AP1B1: variants seen among roughly 807,000 people sequenced by gnomAD.
AP1B1 encodes the protein AP-1 complex subunit beta-1.
A neutral mutation model predicts 104.3 loss-of-function variants in AP1B1; 36 were observed. The ratio of observed to expected loss-of-function variants is 0.35; its 90% CI spans 0.26 to 0.46. The LOEUF is 0.46. AP1B1 is among the 20% of genes least tolerant of loss of function. The pLI is 1.00. For missense variants in AP1B1, 901 were observed against 1,247.9 expected (o/e 0.72, Z 4.19); for synonymous variants, 504 against 517.5 (o/e 0.97, Z 0.35).
chr22:29,337,175 CA>C (rs1381896909), intron 16 of AP1B1, among the ~76,000 whole-genome samples: 5 of 152,304 alleles, frequency 3.3e-5, no homozygotes, highest in African/African-American at 1.2e-4. Flanking sequence ...GGGTCTGGAG[CA>C]GAGGCTTTAG....
intron 11 of AP1B1, among the ~76,000 whole-genome samples, chr22:29,346,190 AAACTTCAG>A (rs1470265649): frequency 1.3e-5 from 2 of 152,140 alleles, no homozygotes; most frequent in Non-Finnish European, 2.9e-5. Flanking sequence ...CTTGGATCTC[AAACTTCAG>A]AGCTCTGTTT....
At chr22:29,371,295 C>A (rs186299133) in intron 1 of AP1B1, among the ~76,000 whole-genome samples, 199 of 152,320 alleles carry the variant, frequency 1.3e-3, no homozygotes, top group South Asian at 3.3e-3. Flanking sequence ...GGGGCTCAGA[C>A]TCATAGATGC....
intron 8 of AP1B1, 77 bp from the exon 9 acceptor site, chr22:29,351,343 T>C (rs749909757): frequency 1.4e-6 from 2 of 1,442,258 alleles, no homozygotes; most frequent in Non-Finnish European, 2.0e-6. Context: ...GCAGTGAATA[T>C]ACACAGACTC....
chr22:29,346,433 C>A (rs2061793511), intron 11 of AP1B1, among the ~76,000 whole-genome samples: 1 of 152,194 alleles, frequency 6.6e-6, no homozygotes, highest in Non-Finnish European at 1.5e-5. Flanking sequence ...GATGAAACTG[C>A]TCCACCTCAG....
At chr22:29,375,388 T>C (rs2062323196) in intron 1 of AP1B1, among the ~76,000 whole-genome samples, 1 of 143,058 alleles carries the variant, frequency 7.0e-6, no homozygotes, top group East Asian at 2.2e-4. Flanking sequence ...CATCTCAGAT[T>C]TCCCCACAGA....
chr22:29,331,582 C>G (rs1034916534), intron 18 of AP1B1, 49 bp from the exon 19 acceptor site: 1 of 1,604,814 alleles, frequency 6.2e-7, no homozygotes, highest in Non-Finnish European at 8.5e-7. Context: ...GACGCCACCT[C>G]TGAGGCCCCA....
chr22:29,365,810 A>G (rs1463736048), intron 2 of AP1B1, among the ~76,000 whole-genome samples: 1 of 149,312 alleles, frequency 6.7e-6, no homozygotes, highest in African/African-American at 2.5e-5. Context: ...TCCCCTTCCT[A>G]TCCCCCATCG....
chr22:29,335,442 C>T (rs2061624885), intron 16 of AP1B1, among the ~76,000 whole-genome samples: 2 of 151,508 alleles, frequency 1.3e-5, no homozygotes, highest in South Asian at 2.1e-4. Flanking sequence ...GAGACAGTCA[C>T]GCAACCCAAG....
chr22:29,369,187 A>G (rs896532324), intron 1 of AP1B1, among the ~76,000 whole-genome samples: 1 of 152,146 alleles, frequency 6.6e-6, no homozygotes, highest in Non-Finnish European at 1.5e-5. Context: ...AGGGATCAGG[A>G]GTCATTTCAC....
chr22:29,382,862 G>C (rs2062459284), intron 1 of AP1B1, among the ~76,000 whole-genome samples: 1 of 152,180 alleles, frequency 6.6e-6, no homozygotes, highest in South Asian at 2.1e-4. Context: ...ATGATCAAGC[G>C]TGAGGTCTCT....
chr22:29,332,674 G>A (rs1458771900), intron 17 of AP1B1, among the ~76,000 whole-genome samples: 1 of 152,226 alleles, frequency 6.6e-6, no homozygotes, highest in Admixed American at 6.5e-5. Context: ...GGGAGGAGCA[G>A]GCCTGTGTCA....
At chr22:29,347,568 A>C (rs573504961) in intron 11 of AP1B1, among the ~76,000 whole-genome samples, 1 of 152,334 alleles carries the variant, frequency 6.6e-6, no homozygotes, top group East Asian at 1.9e-4. Context: ...GGCAGCAAAA[A>C]TTTCTGTGCT....
intron 21 of AP1B1, chr22:29,330,115 C>T: frequency 7.0e-7 from 1 of 1,419,212 alleles, no homozygotes; most frequent in South Asian, 1.5e-5. Context: ...GGTGCCAAAC[C>T]AACTGCACCA....
At position 29,341,733 on chromosome 22, in the gene AP1B1, G is replaced by A. The variant is rs1245595086; in HGVS notation, c.1564C>T (p.Arg522Cys). ...AGCAGGCGCCAGTAGATGTAGCCAC[G>A]GTCCCGCAGGTCTGGGTTATCTGAG... ...QDSDNPDLRD[R>C]GYIYWRLLST... Residue 522 changes from arginine to cysteine, a missense_variant, in exon 13 of 23, where the codon CGT (arginine) becomes TGT (cysteine). By Grantham distance (180) the Arg-to-Cys change is radical. This residue lies in a region of AP1B1 where 471 missense variants were observed against 696.7 expected (regional missense o/e 0.68). Coordinates refer to ENST00000357586, the MANE Select transcript of AP1B1 (RefSeq NM_001127.4). 1.2e-6 allele frequency: 2 copies of A among 1,612,912 alleles called. No individual in the cohort carries two copies. Among genetic ancestry groups the A allele is most frequent in the Non-Finnish European group, 8.5e-7 (1 of 1,178,998 alleles).
chr22:29,374,970 C>T (rs998382989), intron 1 of AP1B1, among the ~76,000 whole-genome samples: 1 of 152,128 alleles, frequency 6.6e-6, no homozygotes, highest in Non-Finnish European at 1.5e-5. Flanking sequence ...CCAGCCTGGG[C>T]AACACAGTAA....
chr22:29,363,851 C>A (rs1187910429), intron 2 of AP1B1, among the ~76,000 whole-genome samples: 2 of 151,976 alleles, frequency 1.3e-5, no homozygotes, highest in Admixed American at 6.6e-5. Context: ...AGCCATGACA[C>A]CACTACACTC....
intron 11 of AP1B1, among the ~76,000 whole-genome samples, chr22:29,343,241 C>T (rs1015728978): frequency 1.3e-5 from 2 of 152,246 alleles, no homozygotes; most frequent in South Asian, 2.1e-4. Flanking sequence ...CTGATGCTCC[C>T]GGAGTCAGGG....
At chr22:29,343,580 C>A (rs1278772127) in intron 11 of AP1B1, among the ~76,000 whole-genome samples, 1 of 152,236 alleles carries the variant, frequency 6.6e-6, no homozygotes, top group African/African-American at 2.4e-5. Flanking sequence ...GCCGTTTACC[C>A]CCATCTGTAA....
At chr22:29,337,755 C>T (rs2061658546) in intron 16 of AP1B1, among the ~76,000 whole-genome samples, 1 of 152,202 alleles carries the variant, frequency 6.6e-6, no homozygotes, top group South Asian at 2.1e-4. Context: ...GCCCCGGCTC[C>T]TCCCTCCCAG....
Sources: gnomAD v4.1 joint callset for allele counts (sites outside exome capture counted in the v4.1 genomes callset) on GRCh38, gnomAD v4.1.1 for gene constraint, gnomAD v4.1.1 regional missense constraint, MANE v1.5 for transcripts, NCBI Gene and HGNC (gene_info 2026-07-23, HGNC 2026-07-21) for gene names.